The following RIN1 variants were observed in gnomAD, a reference collection of about 807,000 sequenced individuals.
RIN1 encodes the protein Ras and Rab interactor 1.
Under a neutral mutation model 64.9 loss-of-function variants are expected in RIN1, and 52 were observed. That is an observed-to-expected ratio of 0.80 (90% CI 0.64 to 1.01). The LOEUF (loss-of-function observed/expected upper bound fraction) is 1.01, where lower values mean the gene tolerates loss of function less well. RIN1 is among the 50% of genes least tolerant of loss of function. RIN1 has a pLI of 0.00. For synonymous variants in RIN1, 486 were observed against 483.6 expected, an observed-to-expected ratio of 1.00 and a Z score of -0.06; for missense variants, 1,040 against 1,064.5, an observed-to-expected ratio of 0.98 and a Z score of 0.32.
Position 66,335,825 on chromosome 11 carries a change from G to T in RIN1, c.319C>A (p.Arg107=). The change falls in exon 3 of 10, where the codon CGG becomes AGG. Residue 107 remains arginine, a synonymous_variant. Coordinates refer to ENST00000311320, the MANE Select transcript of RIN1 (RefSeq NM_004292.3). ...NTRQCQALCM[R]LPEASGPSFV... Reference sequence around the variant, plus strand: ...GAGGGGCCACTGGCTTCAGGCAACCGCATGCACAGGGCCTGGCACTGGCGG... The same window carrying T: ...GAGGGGCCACTGGCTTCAGGCAACCTCATGCACAGGGCCTGGCACTGGCGG... The T allele has an allele frequency of 6.2e-7, 1 of 1,606,794 alleles. No individual in the cohort carries two copies. The highest frequency in any genetic ancestry group is 8.5e-7 in the Non-Finnish European group (1 of 1,175,616).
At chr11:66,333,810 G>T in intron 7 of RIN1, 109 bp downstream of exon 7, 1 of 1,407,620 alleles carries the variant, frequency 7.1e-7, no homozygotes, top group Non-Finnish European at 9.5e-7. Context: ...GGGGAGGGTG[G>T]GCTCATTCTC....
rs777361368 is a variant in RIN1, at chr11:66,334,875, C to T, written c.924G>A (p.Met308Ile). 1 of 1,566,644 alleles carries T rather than the reference C, an allele frequency of 6.4e-7. No homozygotes were observed. The highest frequency in any genetic ancestry group is 1.2e-5 in the South Asian group (1 of 86,460). ...PAGSGPSLPP[M>I]PSLQEVDCGS... ...CGCAGTCCACCTCTTGGAGGGAGGG[C>T]ATAGGCGGAAGGCTAGGGCCACTGC... is the stretch of plus-strand genomic sequence containing the variant. Residue 308 changes from methionine to isoleucine, a missense_variant, in exon 6 of 10, where the codon ATG becomes ATA. Met to Ile is a conservative substitution (Grantham distance 10). Transcript: ENST00000311320.
Position 66,334,239 on chromosome 11 carries a change from G to C in RIN1, c.1286-15C>G. The C allele has an allele frequency of 6.9e-7, 1 of 1,451,824 alleles. No homozygotes were observed. Among genetic ancestry groups the C allele is most frequent in the South Asian group, 1.5e-5 (1 of 68,932 alleles). 89.9% of individuals were successfully genotyped at this position (1,451,824 alleles called of 1,614,324 possible). A position where few individuals can be genotyped will look rare whatever the true frequency, so the allele number is the denominator to read the frequency against. On this transcript the variant is annotated splice_polypyrimidine_tract_variant and intron_variant, in intron 6 of 9. Transcript: ENST00000311320. ...CAGGACATGTTCTGCCGGAGGGACA[G>C]GGAGGGGTCAGGGGAAGACTGGGGG...
chr11:66,335,312 G>A, intron 5 of RIN1, 61 bp from the exon 6 acceptor site: 2 of 1,555,454 alleles, frequency 1.3e-6, no homozygotes, highest in Non-Finnish European at 1.7e-6. Context: ...TCCCAACCAA[G>A]GCAAGGCAGG....
At position 66,334,766 on chromosome 11, in the gene RIN1, G is replaced by A. The variant is rs755911733; in HGVS notation, c.1033C>T (p.Pro345Ser). 3 of 1,549,100 alleles carry A rather than the reference G, an allele frequency of 1.9e-6. No homozygotes were observed. Among genetic ancestry groups the A allele is most frequent in the Non-Finnish European group, 2.6e-6 (3 of 1,147,064 alleles). ...GCGGCGCTCATGGACCGAAGCAGAGGTCGTCGGCGGCCCAGGTGGGGTGAG... is the reference window on the plus strand; with the variant it reads ...GCGGCGCTCATGGACCGAAGCAGAGATCGTCGGCGGCCCAGGTGGGGTGAG... The part of the protein sequence containing the change: ...ATSPHLGRRR[P>S]LLRSMSAAFC... The change falls in exon 6 of 10, where the codon CCT becomes TCT. Residue 345 changes from proline to serine, a missense_variant. Transcript: ENST00000311320.
In RIN1 at chr11:66,334,675, C is replaced by G; in HGVS notation, c.1124G>C (p.Arg375Pro). ...GRAAAALMQDRHTAAGQLVQD... is the reference protein window; with the variant it reads ...GRAAAALMQDPHTAAGQLVQD... Reference sequence around the variant, plus strand: ...CACCAGCTGGCCCGCGGCTGTGTGTCGGTCCTGCATCAGTGCTGCCGCAGC... The same window carrying G: ...CACCAGCTGGCCCGCGGCTGTGTGTGGGTCCTGCATCAGTGCTGCCGCAGC... The change falls in exon 6 of 10, where the codon CGA becomes CCA. Residue 375 changes from arginine (R) to proline (P), a missense_variant. Arg to Pro is a moderately radical substitution (Grantham distance 103, BLOSUM62 -2). Transcript: ENST00000311320. 1.3e-6 allele frequency: 2 copies of G among 1,556,446 alleles called. No individual in the cohort carries two copies. Among genetic ancestry groups the G allele is most frequent in the Non-Finnish European group, 1.7e-6 (2 of 1,152,442 alleles).
At chr11:66,333,883 G>C in intron 7 of RIN1, 36 bp downstream of exon 7, 1 of 1,478,286 alleles carries the variant, frequency 6.8e-7, no homozygotes, top group Non-Finnish European at 9.0e-7. Context: ...CTGACTCAAA[G>C]GGGCAGGGCA....
Position 66,334,561 on chromosome 11 carries a change from A to G in RIN1, c.1238T>C (p.Leu413Pro). ...RQALSRARAM[L>P]SAELGPEKLL... ...CTTCTCAGGGCCCAGCTCCGCACTC[A>G]GCATGGCCCGGGCCCGGCTCAGCGC... The change falls in exon 6 of 10, where the codon CTG (leucine) becomes CCG (proline). Residue 413 changes from leucine to proline, a missense_variant. Transcript: ENST00000311320. 1 of 1,589,744 alleles carries G rather than the reference A, an allele frequency of 6.3e-7. No individual in the cohort carries two copies. Among genetic ancestry groups the G allele is most frequent in the South Asian group, 1.1e-5 (1 of 87,220 alleles).
At position 66,334,910 on chromosome 11, in the gene RIN1, C is replaced by G; in HGVS notation, c.889G>C (p.Val297Leu). ...LRRESSVGYRVPAGSGPSLPP... is the reference protein window; with the variant it reads ...LRRESSVGYRLPAGSGPSLPP... ...AGGCTAGGGCCACTGCCTGCTGGCA[C>G]GCGGTACCCCACTGAGCTCTCCCTC... Residue 297 changes from valine to leucine, a missense_variant, in exon 6 of 10, where the codon GTG becomes CTG. By Grantham distance (32) the Val-to-Leu change is conservative (BLOSUM62 1). Coordinates refer to ENST00000311320, the MANE Select transcript of RIN1 (RefSeq NM_004292.3). 6.3e-7 allele frequency: 1 copy of G among 1,580,608 alleles called. No homozygotes were observed.
At chr11:66,336,252 C>G (rs1482681766) in intron 1 of RIN1, 65 bp downstream of exon 1, 48 of 1,523,708 alleles carry the variant, frequency 3.2e-5, no homozygotes, top group Non-Finnish European at 4.2e-5. Context: ...TTCTCTATCC[C>G]CGGATAGGCC....
rs1854756523 is a variant in RIN1, at chr11:66,332,400, G to A, written c.2228C>T (p.Ala743Val). The A allele has an allele frequency of 4.3e-6, 7 of 1,614,022 alleles. No individual in the cohort carries two copies. The East Asian group carries it at 8.9e-5, about 21-fold the overall frequency. Residue 743 changes from alanine (A) to valine (V), a missense_variant, in exon 10 of 10, where the codon GCC becomes GTC. By Grantham distance (64) the Ala-to-Val change is moderately conservative. Transcript: ENST00000311320. ...CQGDGDAGVK[A>V]SPRDIREQSE... ...CTGTTCCCGAATGTCCCTGGGGCTG[G>A]CTTTGACCCCAGCATCCCCATCTCC... is the stretch of plus-strand genomic sequence containing the variant.
At position 66,334,669 on chromosome 11, in the gene RIN1, G is replaced by T; in HGVS notation, c.1130C>A (p.Thr377Lys). The T allele has an allele frequency of 1.3e-6, 2 of 1,557,812 alleles. No homozygotes were observed. The highest frequency in any genetic ancestry group is 8.7e-7 in the Non-Finnish European group (1 of 1,153,272). Reference sequence around the variant, plus strand: ...GTCCTGCACCAGCTGGCCCGCGGCTGTGTGTCGGTCCTGCATCAGTGCTGC... The same window carrying T: ...GTCCTGCACCAGCTGGCCCGCGGCTTTGTGTCGGTCCTGCATCAGTGCTGC... ...AAAALMQDRH[T>K]AAGQLVQDLL... The change falls in exon 6 of 10, where the codon ACA becomes AAA. Residue 377 changes from threonine (T) to lysine (K), a missense_variant. Coordinates refer to ENST00000311320, the MANE Select transcript of RIN1 (RefSeq NM_004292.3).
At position 66,335,632 on chromosome 11, in the gene RIN1, T is replaced by C. The variant is rs1164784425; in HGVS notation, c.433A>G (p.Ile145Val). 2.5e-6 allele frequency: 4 copies of C among 1,612,330 alleles called. No homozygotes were observed. The African/African-American group carries it at 4.0e-5, about 16-fold the overall frequency. The change falls in exon 4 of 10, where the codon ATC becomes GTC. Residue 145 changes from isoleucine to valine, a missense_variant. Transcript: ENST00000311320. ...CACCGGGTGTGGCAGTAGGCACAGATGAGCTGGACTAGGTCTGGGAACATG... is the reference window on the plus strand; with the variant it reads ...CACCGGGTGTGGCAGTAGGCACAGACGAGCTGGACTAGGTCTGGGAACATG... Reference protein sequence around the residue: ...ELMFPDLVQLICAYCHTRDIL... With the variant: ...ELMFPDLVQLVCAYCHTRDIL...
Position 66,335,119 on chromosome 11 carries a change from G to A in RIN1, c.680C>T (p.Pro227Leu). The change falls in exon 6 of 10, where the codon CCC becomes CTC. Residue 227 changes from proline (P) to leucine (L), a missense_variant. Pro to Leu is a moderately conservative substitution (Grantham distance 98, BLOSUM62 -3). Coordinates refer to ENST00000311320, the MANE Select transcript of RIN1 (RefSeq NM_004292.3). ...GTGAALCFFNPLFPGDLGPTK... is the reference protein window; with the variant it reads ...GTGAALCFFNLLFPGDLGPTK... ...GGGCCCTAGGTCCCCCGGGAACAGGGGGTTGAAGAAGCACAAGGCGGCTCC... is the reference window on the plus strand; with the variant it reads ...GGGCCCTAGGTCCCCCGGGAACAGGAGGTTGAAGAAGCACAAGGCGGCTCC... The A allele has an allele frequency of 6.5e-7, 1 of 1,538,026 alleles. No homozygotes were observed. The highest frequency in any genetic ancestry group is 8.7e-7 in the Non-Finnish European group (1 of 1,145,668).
chr11:66,336,550 C>T (rs1240785971), upstream of RIN1: 22 of 691,884 alleles, frequency 3.2e-5, no homozygotes, highest in Non-Finnish European at 4.9e-5. Flanking sequence ...CAGTGCCCGC[C>T]TCCTCTGTTC....
Position 66,334,573 on chromosome 11 carries a change from G to A in RIN1, c.1226C>T (p.Ala409Val). Residue 409 changes from alanine (A) to valine (V), a missense_variant, in exon 6 of 10, where the codon GCC becomes GTC. By Grantham distance (64) the Ala-to-Val change is moderately conservative (BLOSUM62 0). Transcript: ENST00000311320. ...LQGIRQALSR[A>V]RAMLSAELGP... is the part of the protein sequence containing the mutation. The stretch of plus-strand genomic sequence containing the variant: ...CAGCTCCGCACTCAGCATGGCCCGG[G>A]CCCGGCTCAGCGCCTGACGGATGCC... 6.3e-7 allele frequency: 1 copy of A among 1,584,878 alleles called. No individual in the cohort carries two copies.
chr11:66,332,539 C>T lies in RIN1; in HGVS notation c.2089G>A (p.Gly697Ser). The T allele has an allele frequency of 1.2e-6, 2 of 1,613,310 alleles. No individual in the cohort carries two copies. The highest frequency in any genetic ancestry group is 1.1e-5 in the South Asian group (1 of 91,042). Reference sequence around the variant, plus strand: ...TCCGCCCGGCGGTAGACGAGGTAGCCAGTGGTGGGCAGCCTGTGGGCCAGG... The same window carrying T: ...TCCGCCCGGCGGTAGACGAGGTAGCTAGTGGTGGGCAGCCTGTGGGCCAGG... Reference protein sequence around the residue: ...GALAHRLPTTGYLVYRRAEWP... With the variant: ...GALAHRLPTTSYLVYRRAEWP... Residue 697 changes from glycine to serine, a missense_variant, in exon 10 of 10, where the codon GGC becomes AGC. Gly to Ser is a moderately conservative substitution (Grantham distance 56). Coordinates refer to ENST00000311320, the MANE Select transcript of RIN1 (RefSeq NM_004292.3).
Position 66,335,975 on chromosome 11 carries a change from C to CA in RIN1, c.267+2dup, listed in dbSNP as rs1380931991. On this transcript the variant is annotated splice_region_variant and intron_variant, in intron 2 of 9. Transcript: ENST00000311320. The stretch of plus-strand genomic sequence containing the variant: ...AGTCCCTGGAGTGTGGGGCAAGACT[C>CA]ACCCCCGGGGGCTCGGTCCTCAGCA... 1 of 1,478,340 alleles carries CA rather than the reference C, an allele frequency of 6.8e-7. No homozygotes were observed. 91.6% of individuals were successfully genotyped at this position (1,478,340 alleles called of 1,614,324 possible). A position where few individuals can be genotyped will look rare whatever the true frequency, so the allele number is the denominator to read the frequency against.
At position 66,334,558 on chromosome 11, in the gene RIN1, C is replaced by T. The variant is rs1184442257; in HGVS notation, c.1241G>A (p.Ser414Asn). 1.3e-6 allele frequency: 2 copies of T among 1,590,486 alleles called. No individual in the cohort carries two copies. The highest frequency in any genetic ancestry group is 1.7e-6 in the Non-Finnish European group (2 of 1,170,130). Residue 414 changes from serine to asparagine, a missense_variant, in exon 6 of 10, where the codon AGT (serine) becomes AAT (asparagine). Transcript: ENST00000311320. ...QALSRARAML[S>N]AELGPEKLLS... Reference sequence around the variant, plus strand: ...CAGCTTCTCAGGGCCCAGCTCCGCACTCAGCATGGCCCGGGCCCGGCTCAG... The same window carrying T: ...CAGCTTCTCAGGGCCCAGCTCCGCATTCAGCATGGCCCGGGCCCGGCTCAG...
Sources: allele counts gnomAD v4.1 joint callset, GRCh38; gene constraint gnomAD v4.1.1; transcripts MANE v1.5; gene names NCBI Gene and HGNC (gene_info 2026-07-23, HGNC 2026-07-21).